Variants in LRP1B observed in about 807,000 individuals in gnomAD.
LRP1B encodes the protein low-density lipoprotein receptor-related protein 1B.
A neutral mutation model predicts 556.6 loss-of-function variants in LRP1B; 217 were observed. The ratio of observed to expected loss-of-function variants is 0.39; its 90% CI spans 0.35 to 0.44. LRP1B has a LOEUF of 0.44. Ranked by LOEUF, LRP1B falls within the 20% of genes least tolerant of loss-of-function variation. LRP1B has a pLI of 1.00. For missense variants in LRP1B, 5,053 were observed against 5,620.8 expected, an observed-to-expected ratio of 0.90 and a Z score of 3.23; for synonymous variants, 2,047 against 1,865.8, an observed-to-expected ratio of 1.10 and a Z score of -2.50.
At chr2:141,750,626 C>A (rs1694074136) in intron 2 of LRP1B, among the ~76,000 whole-genome samples, 1 of 152,092 alleles carries the variant, frequency 6.6e-6, no homozygotes, top group South Asian at 2.1e-4. Context: ...ATTTCCTCTT[C>A]TTCTATTTGA....
At chr2:140,387,246 A>G (rs1683798165) in intron 66 of LRP1B, among the ~76,000 whole-genome samples, 1 of 152,276 alleles carries the variant, frequency 6.6e-6, no homozygotes, top group African/African-American at 2.4e-5. Context: ...TTTGTGCTTT[A>G]CTTCGAAATG....
intron 57 of LRP1B, among the ~76,000 whole-genome samples, chr2:140,489,045 T>G (rs1405260111): frequency 1.3e-5 from 2 of 152,036 alleles, no homozygotes; most frequent in East Asian, 3.9e-4. Flanking sequence ...GGCTAATGAT[T>G]ACTCTTCAGA....
intron 31 of LRP1B, among the ~76,000 whole-genome samples, chr2:140,828,321 C>T (rs1039477473): frequency 6.6e-6 from 1 of 151,876 alleles, no homozygotes; most frequent in Admixed American, 6.6e-5. Context: ...TTTTAAAAGA[C>T]ACAAAGGGCC....
intron 2 of LRP1B, among the ~76,000 whole-genome samples, chr2:141,633,249 T>C (rs1688978134): frequency 6.6e-6 from 1 of 152,190 alleles, no homozygotes; most frequent in African/African-American, 2.4e-5. Context: ...CTTAGTCTGT[T>C]CTTGCTTTAG....
chr2:140,515,820 C>A (rs983764119), intron 50 of LRP1B, among the ~76,000 whole-genome samples: 1 of 152,036 alleles, frequency 6.6e-6, no homozygotes, highest in South Asian at 2.1e-4. Flanking sequence ...ATAAAATGCA[C>A]CTTCACATTT....
intron 27 of LRP1B, among the ~76,000 whole-genome samples, chr2:140,863,186 C>G (rs1040483629): frequency 6.6e-6 from 1 of 152,168 alleles, no homozygotes; most frequent in African/African-American, 2.4e-5. Context: ...TACACACACA[C>G]ACATATATAT....
At chr2:140,600,766 G>GTTTTTTTTTTTTTTTTTTTTTTTTTT (rs1558996101) in intron 42 of LRP1B, among the ~76,000 whole-genome samples, 1 of 46,174 alleles carries the variant, frequency 2.2e-5, no homozygotes, top group African/African-American at 8.2e-5. Context: ...TGTTCTTCGG[G>GTTTTTTTTTTTTTTTTTTTTTTTTTT]GTTTTTTTTT....
chr2:140,527,740 A>G (rs1690498118), intron 47 of LRP1B, among the ~76,000 whole-genome samples: 1 of 151,826 alleles, frequency 6.6e-6, no homozygotes, highest in South Asian at 2.1e-4. Flanking sequence ...TTTGTGTTAC[A>G]TTTCATATTC....
chr2:141,899,294 G>C lies in LRP1B; in HGVS notation c.83-88893C>G, dbSNP rs553998556. Among the ~76,000 whole-genome samples the C allele has an allele frequency of 2.0e-5, 3 of 152,106 alleles. No homozygotes were observed. The South Asian group carries it at 6.2e-4, about 32-fold the overall frequency. Reference sequence around the variant, plus strand: ...TTTAGTTCCCAAAGTCTGTCTTCTCGCAACATAAGATTTTCTAAAAATTCA... The same window carrying C: ...TTTAGTTCCCAAAGTCTGTCTTCTCCCAACATAAGATTTTCTAAAAATTCA... On this transcript the variant is annotated intron_variant, in intron 1 of 90. Coordinates refer to ENST00000389484, the MANE Select transcript of LRP1B (RefSeq NM_018557.3).
chr2:141,251,460 A>C (rs1027776728), intron 4 of LRP1B, among the ~76,000 whole-genome samples: 2 of 152,152 alleles, frequency 1.3e-5, no homozygotes, highest in African/African-American at 4.8e-5. Flanking sequence ...GATAGGATAT[A>C]AAGTGGATAT....
chr2:142,126,814 C>T (rs935826432), intron 1 of LRP1B, among the ~76,000 whole-genome samples: 1 of 151,728 alleles, frequency 6.6e-6, no homozygotes, highest in Non-Finnish European at 1.5e-5. Context: ...ACATAAAGTT[C>T]CCTCAACATC....
chr2:140,326,972 TC>T (rs1440433029), intron 79 of LRP1B, among the ~76,000 whole-genome samples: 4 of 152,172 alleles, frequency 2.6e-5, no homozygotes, highest in African/African-American at 9.6e-5. Flanking sequence ...AAAGTAAACT[TC>T]CTTCAATATG....
chr2:141,921,844 T>C (rs1019131727), intron 1 of LRP1B, among the ~76,000 whole-genome samples: 1 of 152,040 alleles, frequency 6.6e-6, no homozygotes, highest in Non-Finnish European at 1.5e-5. Flanking sequence ...CCAAACCTAG[T>C]AATTACAGGA....
At chr2:140,302,341 G>A (rs1321464875) in intron 83 of LRP1B, among the ~76,000 whole-genome samples, 1 of 152,138 alleles carries the variant, frequency 6.6e-6, no homozygotes, top group Non-Finnish European at 1.5e-5. Flanking sequence ...TCTCTGGACA[G>A]TTGGTAAGTT....
chr2:140,692,411 T>A (rs1380990828), intron 41 of LRP1B, among the ~76,000 whole-genome samples: 1 of 152,154 alleles, frequency 6.6e-6, no homozygotes. Flanking sequence ...ATATGAACCA[T>A]TTCAAAATTT....
chr2:141,524,491 C>A (rs1355882315), intron 2 of LRP1B, among the ~76,000 whole-genome samples: 1 of 151,970 alleles, frequency 6.6e-6, no homozygotes, highest in African/African-American at 2.4e-5. Flanking sequence ...AGGCCACATG[C>A]GGCCCAGGAC....
At chr2:140,675,238 G>T (rs1209360923) in intron 41 of LRP1B, among the ~76,000 whole-genome samples, 1 of 152,152 alleles carries the variant, frequency 6.6e-6, no homozygotes, top group East Asian at 1.9e-4. Context: ...TTGCAACACT[G>T]TTTACGTTAG....
intron 18 of LRP1B, among the ~76,000 whole-genome samples, chr2:140,972,417 T>A (rs1432696859): frequency 6.6e-6 from 1 of 152,058 alleles, no homozygotes; most frequent in African/African-American, 2.4e-5. Context: ...GCAAATAGGT[T>A]TGAAAGAAAA....
chr2:140,824,906 C>T (rs1691452307), intron 31 of LRP1B, among the ~76,000 whole-genome samples: 2 of 152,046 alleles, frequency 1.3e-5, no homozygotes, highest in Admixed American at 1.3e-4. Flanking sequence ...ATTCACTCAA[C>T]AAATATTTAT....
Sources: allele counts gnomAD v4.1 joint callset (sites outside exome capture counted in the v4.1 genomes callset), GRCh38; gene constraint gnomAD v4.1.1; transcripts MANE v1.5; gene names NCBI Gene and HGNC (gene_info 2026-07-23, HGNC 2026-07-21).